CRISPLD1: variants seen among roughly 807,000 people sequenced by gnomAD.
CRISPLD1 encodes cysteine-rich secretory protein LCCL domain-containing 1.
Under a neutral mutation model 77.5 loss-of-function variants are expected in CRISPLD1, and 60 were observed. That is an observed-to-expected ratio of 0.77 (90% confidence interval 0.63 to 0.96). The LOEUF (loss-of-function observed/expected upper bound fraction) is 0.96, where lower values mean the gene tolerates loss of function less well. Ranked by LOEUF, CRISPLD1 falls within the 40% of genes least tolerant of loss-of-function variation. CRISPLD1 has a pLI of 0.00. For synonymous variants in CRISPLD1, 195 were observed against 200.1 expected, an observed-to-expected ratio of 0.97 and a Z score of 0.22; for missense variants, 623 against 615.8, an observed-to-expected ratio of 1.01 and a Z score of -0.12.
chr8:75,008,153 G>A (rs1329138311), intron 2 of CRISPLD1, among the ~76,000 whole-genome samples: 2 of 152,102 alleles, frequency 1.3e-5, no homozygotes, highest in Non-Finnish European at 2.9e-5. Context: ...GCGTAACTAT[G>A]CTCTAAGAAG....
intron 12 of CRISPLD1, among the ~76,000 whole-genome samples, chr8:75,024,514 G>A (rs764780835): frequency 2.6e-5 from 4 of 152,018 alleles, no homozygotes; most frequent in East Asian, 3.9e-4. Context: ...TAGCAGAGAC[G>A]GGGTTTCACC....
At chr8:75,025,479 T>G in intron 12 of CRISPLD1, 67 bp from the exon 13 acceptor site, 1 of 603,450 alleles carries the variant, frequency 1.7e-6, no homozygotes, top group Non-Finnish European at 2.5e-6. Context: ...TATCTGTGGT[T>G]TTACTAATAA....
At chr8:75,004,832 G>A (rs973298665) in intron 2 of CRISPLD1, among the ~76,000 whole-genome samples, 1 of 152,052 alleles carries the variant, frequency 6.6e-6, no homozygotes, top group Non-Finnish European at 1.5e-5. Flanking sequence ...GTTCCTGATA[G>A]CTGTGCAAAA....
chr8:75,023,563 A>G (rs1244081130), intron 12 of CRISPLD1, among the ~76,000 whole-genome samples: 3 of 152,242 alleles, frequency 2.0e-5, no homozygotes, highest in East Asian at 1.9e-4. Flanking sequence ...AATAAAAACT[A>G]TAACTATTTC....
intron 3 of CRISPLD1, 55 bp downstream of exon 3, chr8:75,012,606 C>A: frequency 8.5e-7 from 1 of 1,175,964 alleles, no homozygotes; most frequent in Non-Finnish European, 1.3e-6. Flanking sequence ...AAAATGAAGT[C>A]CTTATTAATT....
chr8:75,023,822 G>A (rs954243176), intron 12 of CRISPLD1, among the ~76,000 whole-genome samples: 15 of 151,978 alleles, frequency 9.9e-5, no homozygotes, highest in African/African-American at 3.6e-4. Flanking sequence ...GAATGCAGAC[G>A]AGCCACTTGA....
intron 2 of CRISPLD1, among the ~76,000 whole-genome samples, chr8:75,009,212 G>A (rs753136815): frequency 2.0e-5 from 3 of 151,904 alleles, no homozygotes; most frequent in South Asian, 2.1e-4. Flanking sequence ...CACATGCCTC[G>A]GCTGGAAGAA....
intron 2 of CRISPLD1, among the ~76,000 whole-genome samples, chr8:74,989,073 A>G (rs1326915812): frequency 6.6e-6 from 1 of 152,164 alleles, no homozygotes; most frequent in African/African-American, 2.4e-5. Context: ...GGTCAGAAAC[A>G]TGAATCGTAG....
chr8:75,029,650 G>T, intron 14 of CRISPLD1, 133 bp downstream of exon 14: 1 of 830,914 alleles, frequency 1.2e-6, no homozygotes, highest in Non-Finnish European at 1.9e-6. Context: ...GTGTTCCTTT[G>T]CACACTTGTG....
chr8:75,022,889 A>G (rs996971952), intron 12 of CRISPLD1, among the ~76,000 whole-genome samples: 8 of 152,118 alleles, frequency 5.3e-5, no homozygotes, highest in African/African-American at 1.9e-4. Context: ...ATTATTTAGT[A>G]ACCATTTGGT....
At chr8:75,001,712 A>G (rs538328757) in intron 2 of CRISPLD1, among the ~76,000 whole-genome samples, 1 of 151,946 alleles carries the variant, frequency 6.6e-6, no homozygotes, top group African/African-American at 2.4e-5. Context: ...ATCTGTGTGA[A>G]TTGATTTAAG....
chr8:75,008,958 C>T (rs2128784249), intron 2 of CRISPLD1, among the ~76,000 whole-genome samples: 1 of 152,250 alleles, frequency 6.6e-6, no homozygotes, highest in East Asian at 1.9e-4. Context: ...CTTAAATACA[C>T]TGTAGTATAT....
In CRISPLD1 at chr8:75,000,025, G is replaced by A. The variant is rs143360091; in HGVS notation, c.259-12408G>A. 1,850 of 400,402 alleles carry A rather than the reference G, an allele frequency of 4.6e-3. 8 individuals carry two copies. Among genetic ancestry groups the A allele is most frequent in the Non-Finnish European group, 5.8e-3 (1,715 of 297,664 alleles). The allele number at this position is 400,402 out of a possible 1,614,324, so 24.8% of individuals were successfully genotyped here. On this transcript the variant is annotated intron_variant, in intron 2 of 14. Transcript: ENST00000262207. ...GAATTTCAGTTGAGTAAGTATGAGG[G>A]GTTGGAAGGCAGCAACTAGATACAA...
At chr8:75,010,241 G>A (rs1356710764) in intron 2 of CRISPLD1, among the ~76,000 whole-genome samples, 1 of 152,022 alleles carries the variant, frequency 6.6e-6, no homozygotes, top group Non-Finnish European at 1.5e-5. Context: ...CAATGGAATG[G>A]GGAGGAATAT....
rs112314823 is a variant in CRISPLD1, at chr8:75,014,935, A to G, written c.727+23A>G. Reference sequence around the variant, plus strand: ...AAGGTAAGTGCTATTGTGTTGTGGTATTCATGTTGATTTATATTTTAATCC... The same window carrying G: ...AAGGTAAGTGCTATTGTGTTGTGGTGTTCATGTTGATTTATATTTTAATCC... On this transcript the variant is annotated intron_variant, in intron 6 of 14. Coordinates refer to ENST00000262207, the MANE Select transcript of CRISPLD1 (RefSeq NM_031461.6). 5.4e-5 allele frequency: 78 copies of G among 1,450,178 alleles called. 1 individual carries two copies. In the Middle Eastern group the frequency reaches 1.2e-3, roughly 23 times the overall value. 89.8% of individuals were successfully genotyped at this position (1,450,178 alleles called of 1,614,324 possible).
At chr8:75,023,762 T>C (rs931792400) in intron 12 of CRISPLD1, among the ~76,000 whole-genome samples, 2 of 150,402 alleles carry the variant, frequency 1.3e-5, no homozygotes, top group Non-Finnish European at 2.9e-5. Context: ...TTTCCAGTTT[T>C]AGTTTGTGTT....
At chr8:74,998,214 A>G (rs1812674555) in intron 2 of CRISPLD1, among the ~76,000 whole-genome samples, 1 of 152,162 alleles carries the variant, frequency 6.6e-6, no homozygotes, top group Non-Finnish European at 1.5e-5. Context: ...TTGTCCAGAC[A>G]CAGTGAACTG....
At chr8:74,997,836 T>C (rs557790043) in intron 2 of CRISPLD1, among the ~76,000 whole-genome samples, 1 of 152,312 alleles carries the variant, frequency 6.6e-6, no homozygotes, top group Admixed American at 6.5e-5. Context: ...TTGTCAATAT[T>C]GAGGTCACTG....
Position 75,020,001 on chromosome 8 carries a change from C to T in CRISPLD1, c.1172-6C>T. 3 of 1,613,878 alleles carry T rather than the reference C, an allele frequency of 1.9e-6. No individual in the cohort carries two copies. The highest frequency in any genetic ancestry group is 2.5e-6 in the Non-Finnish European group (3 of 1,179,832). On this transcript the variant is annotated splice_region_variant and splice_polypyrimidine_tract_variant and intron_variant, in intron 11 of 14. Transcript: ENST00000262207. ...TCACTCATTGTTTTGTGTTTTAATT[C>T]TTCAGTTCAGGCTGTGACTTGTGAA...
Sources: gnomAD v4.1 joint callset for allele counts (sites outside exome capture counted in the v4.1 genomes callset) on GRCh38, gnomAD v4.1.1 for gene constraint, MANE v1.5 for transcripts, NCBI Gene and HGNC (gene_info 2026-07-23, HGNC 2026-07-21) for gene names.